Variants in CAMK2D observed in about 807,000 individuals in gnomAD.
CAMK2D encodes calcium/calmodulin-dependent protein kinase type II subunit delta.
In CAMK2D, 37 loss-of-function variants were observed where a neutral mutation model predicts 84.0. The ratio of observed to expected loss-of-function variants is 0.44; its 90% CI spans 0.34 to 0.58. CAMK2D has a LOEUF of 0.58. Among genes scored for constraint, CAMK2D ranks in the 20% least tolerant of loss-of-function variants. The pLI, the probability that CAMK2D is intolerant of heterozygous loss-of-function variation, is 0.02. For missense variants in CAMK2D, 448 were observed against 652.5 expected, an observed-to-expected ratio of 0.69 and a Z score of 3.41; for synonymous variants, 202 against 212.5, an observed-to-expected ratio of 0.95 and a Z score of 0.43.
chr4:113,646,342 A>G (rs919330169), intron 3 of CAMK2D, among the ~76,000 whole-genome samples: 1 of 152,214 alleles, frequency 6.6e-6, no homozygotes, highest in Non-Finnish European at 1.5e-5. Flanking sequence ...ATAAACAAGA[A>G]AAGTCCATGC....
At chr4:113,734,895 GAA>G (rs59263885) in intron 2 of CAMK2D, among the ~76,000 whole-genome samples, 14 of 114,786 alleles carry the variant, frequency 1.2e-4, no homozygotes, top group Middle Eastern at 4.9e-3. Context: ...TAGGAAAATG[GAA>G]AAAAAAAAAA....
chr4:113,480,241 G>A lies in CAMK2D; in HGVS notation c.1136-14637C>T, dbSNP rs563399137. Reference sequence around the variant, plus strand: ...GCCTCCCAAAGTGCTAGAATTACAGGCGTGAACTACCGCACCCGGCCAGCA... The same window carrying A: ...GCCTCCCAAAGTGCTAGAATTACAGACGTGAACTACCGCACCCGGCCAGCA... On this transcript the variant is annotated intron_variant, in intron 16 of 20. Coordinates refer to ENST00000511664, the MANE Select transcript of CAMK2D (RefSeq NM_001321571.2). Among the ~76,000 whole-genome samples, 89 of 152,234 alleles carry A rather than the reference G, an allele frequency of 5.8e-4. 3 individuals carry two copies. Among genetic ancestry groups the A allele is most frequent in the African/African-American group, 1.9e-3 (81 of 41,544 alleles).
chr4:113,604,987 A>T (rs959455695), intron 4 of CAMK2D, among the ~76,000 whole-genome samples: 1 of 152,224 alleles, frequency 6.6e-6, no homozygotes, highest in East Asian at 1.9e-4. Context: ...CAAATATGCC[A>T]CTTTGGCATA....
chr4:113,609,645 T>G (rs540199089), intron 3 of CAMK2D, among the ~76,000 whole-genome samples: 1 of 152,308 alleles, frequency 6.6e-6, no homozygotes, highest in African/African-American at 2.4e-5. Flanking sequence ...CACCAACTCA[T>G]GCTTGGTCAC....
chr4:113,715,224 A>G (rs972734936), intron 2 of CAMK2D, among the ~76,000 whole-genome samples: 10 of 152,210 alleles, frequency 6.6e-5, no homozygotes, highest in African/African-American at 2.4e-4. Context: ...GTTGATATTG[A>G]AGATTGCTCT....
At chr4:113,681,383 T>A (rs2099345380) in intron 2 of CAMK2D, among the ~76,000 whole-genome samples, 1 of 152,138 alleles carries the variant, frequency 6.6e-6, no homozygotes, top group Admixed American at 6.5e-5. Flanking sequence ...CCCCCTTTGC[T>A]CAGCACTTCT....
intron 3 of CAMK2D, among the ~76,000 whole-genome samples, chr4:113,642,310 G>A (rs1458287161): frequency 6.6e-6 from 1 of 152,188 alleles, no homozygotes; most frequent in Non-Finnish European, 1.5e-5. Context: ...CATTCAGGAT[G>A]GGCTCTGCAG....
At chr4:113,708,091 A>AG (rs1221093587) in intron 2 of CAMK2D, among the ~76,000 whole-genome samples, 32 of 152,296 alleles carry the variant, frequency 2.1e-4, no homozygotes, top group Middle Eastern at 3.4e-3. Context: ...ATAAAAAAAA[A>AG]GTCCCTTCTC....
At chr4:113,465,392 A>G in intron 17 of CAMK2D, 137 bp downstream of exon 17, 1 of 600,332 alleles carries the variant, frequency 1.7e-6, no homozygotes, top group Non-Finnish European at 2.9e-6. Context: ...GCACTTAGTC[A>G]TTTATGAAAT....
At position 113,753,406 on chromosome 4, in the gene CAMK2D, C is replaced by T. The variant is rs568893526; in HGVS notation, c.160+5914G>A. Among the ~76,000 whole-genome samples the T allele has an allele frequency of 8.4e-4, 128 of 151,894 alleles. 1 individual carries two copies. The South Asian group carries it at 0.013, about 15-fold the overall frequency. On this transcript the variant is annotated intron_variant, in intron 2 of 20. Transcript: ENST00000511664. ...AAGGGGCTCAGGTAACTAAAAAAAT[C>T]AGTGATGTCATTGTGTCATTGTGTG...
chr4:113,668,968 C>T (rs2099268745), intron 2 of CAMK2D, among the ~76,000 whole-genome samples: 2 of 152,062 alleles, frequency 1.3e-5, no homozygotes, highest in South Asian at 4.1e-4. Context: ...TATTTATTCT[C>T]TTTCACAGGA....
chr4:113,472,185 G>A (rs1564469838), intron 16 of CAMK2D, among the ~76,000 whole-genome samples: 2 of 152,134 alleles, frequency 1.3e-5, no homozygotes, highest in African/African-American at 4.8e-5. Context: ...CCAGTTTATA[G>A]TCTGAACACC....
intron 2 of CAMK2D, among the ~76,000 whole-genome samples, chr4:113,724,579 A>G (rs2099540476): frequency 6.6e-6 from 1 of 151,848 alleles, no homozygotes; most frequent in Non-Finnish European, 1.5e-5. Context: ...ACAAAAAAAA[A>G]GCCTCCCAAT....
chr4:113,454,458 G>A lies in CAMK2D; in HGVS notation c.*87C>T, dbSNP rs372458940. Reference sequence around the variant, plus strand: ...GAAGAGGAGGAGAGGACGGCCCAGGGTCACCATCCAGGTGCCTTGAGAACA... The same window carrying A: ...GAAGAGGAGGAGAGGACGGCCCAGGATCACCATCCAGGTGCCTTGAGAACA... On this transcript the variant is annotated 3_prime_UTR_variant, in exon 21 of 21. Coordinates refer to ENST00000511664, the MANE Select transcript of CAMK2D (RefSeq NM_001321571.2). 5.7e-5 allele frequency: 44 copies of A among 777,512 alleles called. No homozygotes were observed. The highest frequency in any genetic ancestry group is 9.1e-5 in the Non-Finnish European group (38 of 416,020). 48.2% of individuals were successfully genotyped at this position (777,512 alleles called of 1,614,324 possible).
At chr4:113,599,192 C>G (rs2098940976) in intron 4 of CAMK2D, among the ~76,000 whole-genome samples, 1 of 152,162 alleles carries the variant, frequency 6.6e-6, no homozygotes, top group Non-Finnish European at 1.5e-5. Flanking sequence ...AAAGGTAAAG[C>G]TATGGAGACA....
intron 2 of CAMK2D, among the ~76,000 whole-genome samples, chr4:113,727,290 G>A (rs1010915945): frequency 1.1e-4 from 16 of 151,986 alleles, no homozygotes; most frequent in African/African-American, 3.6e-4. Flanking sequence ...GCTTGAAAAA[G>A]AATAAAATTC....
chr4:113,588,290 A>G (rs1170157995), intron 4 of CAMK2D, among the ~76,000 whole-genome samples: 1 of 152,196 alleles, frequency 6.6e-6, no homozygotes, highest in East Asian at 1.9e-4. Context: ...AAGTAGCCAA[A>G]TGTTTCTAAG....
At chr4:113,528,958 C>T (rs543881810) in intron 8 of CAMK2D, among the ~76,000 whole-genome samples, 4 of 152,254 alleles carry the variant, frequency 2.6e-5, no homozygotes, top group African/African-American at 9.6e-5. Flanking sequence ...AAGATACTCT[C>T]AGGTAGGTAG....
At position 113,703,453 on chromosome 4, in the gene CAMK2D, G is replaced by A. The variant is rs911106394; in HGVS notation, c.161-41681C>T. ...CAATTTTTCCACCTCAGCCTCCCGA[G>A]TAGATGGGATCACACGCGTGAGCCA... On this transcript the variant is annotated intron_variant, in intron 2 of 20. Coordinates refer to ENST00000511664, the MANE Select transcript of CAMK2D (RefSeq NM_001321571.2). Among the ~76,000 whole-genome samples, 3 of 152,116 alleles carry A rather than the reference G, an allele frequency of 2.0e-5. No homozygotes were observed. The East Asian group carries it at 5.8e-4, about 29-fold the overall frequency.
Sources: gnomAD v4.1 joint callset for allele counts (sites outside exome capture counted in the v4.1 genomes callset) on GRCh38, gnomAD v4.1.1 for gene constraint, MANE v1.5 for transcripts, NCBI Gene and HGNC (gene_info 2026-07-23, HGNC 2026-07-21) for gene names.